Variants in YJU2 observed in about 807,000 individuals in gnomAD.
YJU2 encodes splicing factor YJU2.
In YJU2, 28 loss-of-function variants were observed where a neutral mutation model predicts 39.6. That is an observed-to-expected ratio of 0.71 (90% confidence interval 0.52 to 0.97). The LOEUF is 0.97. Among genes scored for constraint, YJU2 ranks in the 50% least tolerant of loss-of-function variants. The probability of loss-of-function intolerance (pLI) is 0.00; values close to 1 mark genes in which losing one functional copy is unlikely to be tolerated. For synonymous variants in YJU2, 184 were observed against 182.4 expected (o/e 1.01, Z -0.07); for missense variants, 328 against 430.4 (o/e 0.76, Z 2.11).
intron 1 of YJU2, among the ~76,000 whole-genome samples, chr19:4,247,633 GTGTGT>G (rs1970938282): frequency 4.7e-5 from 3 of 64,320 alleles, no homozygotes; most frequent in South Asian, 8.1e-4. Flanking sequence ...GTGTGTGTGT[GTGTGT>G]GTGTGTGTGT....
At position 4,247,837 on chromosome 19, in the gene YJU2, T is replaced by C. The variant is rs192647851; in HGVS notation, c.24+667T>C. Among the ~76,000 whole-genome samples, 302 of 151,944 alleles carry C rather than the reference T, an allele frequency of 2.0e-3. 1 individual carries two copies. Among genetic ancestry groups the C allele is most frequent in the African/African-American group, 7.1e-3 (296 of 41,446 alleles). ...CAGACTCCCAGAAGAAAAGCAGAGGTTCAGTATAAACTATACTGTTGGCAC... is the reference window on the plus strand; with the variant it reads ...CAGACTCCCAGAAGAAAAGCAGAGGCTCAGTATAAACTATACTGTTGGCAC... On this transcript the variant is annotated intron_variant, in intron 1 of 7. Coordinates refer to ENST00000262962, the MANE Select transcript of YJU2 (RefSeq NM_018074.6).
rs34728075 is a variant in YJU2 at position 4,259,071 on chromosome 19, C to CTTTTT, written c.587+673_587+677dup. Among the ~76,000 whole-genome samples, 344 of 90,306 alleles carry CTTTTT rather than the reference C, an allele frequency of 3.8e-3. 6 individuals carry two copies. Among genetic ancestry groups the CTTTTT allele is most frequent in the Middle Eastern group, 7.6e-3 (1 of 132 alleles). The allele number at this position is 90,306 out of a possible 152,430, so 59.2% of individuals were successfully genotyped here. A position where few individuals can be genotyped will look rare whatever the true frequency, so the allele number is the denominator to read the frequency against. ...TCAGGCCTCCTGGGTGAACACTTTT[C>CTTTTT]TTTTTTTTTTTTTTTTTTTTTTTTT... On this transcript the variant is annotated intron_variant, in intron 5 of 7. Coordinates refer to ENST00000262962, the MANE Select transcript of YJU2 (RefSeq NM_018074.6).
At chr19:4,247,582 CGTGTGT>C (rs1348900052) in intron 1 of YJU2, among the ~76,000 whole-genome samples, 1 of 27,334 alleles carries the variant, frequency 3.7e-5, no homozygotes, top group Admixed American at 3.9e-4. Flanking sequence ...TGGGGTGGCG[CGTGTGT>C]GTGTGTGTGT....
Position 4,254,504 on chromosome 19 carries a change from A to G in YJU2, c.405+15A>G, listed in dbSNP as rs372266480. On this transcript the variant is annotated intron_variant, in intron 4 of 7. Coordinates refer to ENST00000262962, the MANE Select transcript of YJU2 (RefSeq NM_018074.6). ...ACCCCATGAAGGTGAGTCGGGGGCC[A>G]TGTAGGTGTTCATGGGCGCTGTGTG... is the stretch of plus-strand genomic sequence containing the variant. 23 of 1,568,784 alleles carry G rather than the reference A, an allele frequency of 1.5e-5. No homozygotes were observed. Among genetic ancestry groups the G allele is most frequent in the Admixed American group, 7.7e-5 (4 of 51,962 alleles).
chr19:4,266,817 C>A (rs971345467), intron 6 of YJU2, among the ~76,000 whole-genome samples: 5 of 152,012 alleles, frequency 3.3e-5, no homozygotes, highest in African/African-American at 1.2e-4. Context: ...CCCGTCTCTA[C>A]AAAAATTAAA....
intron 5 of YJU2, among the ~76,000 whole-genome samples, chr19:4,261,743 C>T (rs572537674): frequency 1.1e-4 from 17 of 152,158 alleles, no homozygotes; most frequent in Middle Eastern, 3.4e-3. Context: ...TGGGGAGGAT[C>T]GCTTGAGCCC....
chr19:4,256,458 G>A (rs1234569648), intron 4 of YJU2, among the ~76,000 whole-genome samples: 4 of 152,036 alleles, frequency 2.6e-5, no homozygotes, highest in Admixed American at 6.6e-5. Flanking sequence ...GTGTGCCTGG[G>A]CCTGTCGCAC....
In YJU2 at chr19:4,247,627, GTGTGTGTGTGTGTGTGTGTGTGTGTGT is replaced by G. The variant is rs1970937834; in HGVS notation, c.24+458_24+484del. On this transcript the variant is annotated intron_variant, in intron 1 of 7. Transcript: ENST00000262962. The stretch of plus-strand genomic sequence containing the variant: ...TGTGTGTGTGTGTGTGTGTGTGTGT[GTGTGTGTGTGTGTGTGTGTGTGTGTGT>G]GTGTGTGTGTGTGTGTGTGTGTGTG... Among the ~76,000 whole-genome samples, 33 of 49,048 alleles carry G rather than the reference GTGTGTGTGTGTGTGTGTGTGTGTGTGT, an allele frequency of 6.7e-4. 3 individuals carry two copies. Among genetic ancestry groups the G allele is most frequent in the African/African-American group, 1.9e-3 (16 of 8,630 alleles). The allele number at this position is 49,048 out of a possible 152,430, so 32.2% of individuals were successfully genotyped here. A position where few individuals can be genotyped will look rare whatever the true frequency, so the allele number is the denominator to read the frequency against.
chr19:4,247,122 C>A lies in YJU2; in HGVS notation c.-25C>A. 1 of 1,612,334 alleles carries A rather than the reference C, an allele frequency of 6.2e-7. No homozygotes were observed. Among genetic ancestry groups the A allele is most frequent in the Non-Finnish European group, 8.5e-7 (1 of 1,178,336 alleles). Reference sequence around the variant, plus strand: ...ACCCAGCCTAACCATTTCTCAGGTGCTTGCGAGGTGATCAGAAGGCAAAGA... The same window carrying A: ...ACCCAGCCTAACCATTTCTCAGGTGATTGCGAGGTGATCAGAAGGCAAAGA... On this transcript the variant is annotated 5_prime_UTR_variant, in exon 1 of 8. Transcript: ENST00000262962.
At chr19:4,247,592 T>G (rs1568359518) in intron 1 of YJU2, among the ~76,000 whole-genome samples, 1 of 5,536 alleles carries the variant, frequency 1.8e-4, no homozygotes, top group Non-Finnish European at 3.4e-4. Context: ...CGTGTGTGTG[T>G]GTGTGTGTGT....
intron 1 of YJU2, among the ~76,000 whole-genome samples, chr19:4,248,967 G>C (rs1386653138): frequency 1.3e-5 from 2 of 152,096 alleles, no homozygotes; most frequent in Non-Finnish European, 2.9e-5. Context: ...TTCCCGTGTA[G>C]ACAGCATTTC....
intron 5 of YJU2, among the ~76,000 whole-genome samples, chr19:4,259,071 CTTTTTT>C (rs34728075): frequency 1.1e-5 from 1 of 90,262 alleles, no homozygotes; most frequent in Non-Finnish European, 2.1e-5. Context: ...GAACACTTTT[CTTTTTT>C]TTTTTTTTTT....
In YJU2 at chr19:4,249,940, C is replaced by T. The variant is rs370859458; in HGVS notation, c.125+612C>T. On this transcript the variant is annotated intron_variant, in intron 2 of 7. Coordinates refer to ENST00000262962, the MANE Select transcript of YJU2 (RefSeq NM_018074.6). ...CAAGCTGGTCTCGAACTCCTGACCT[C>T]AGGTGATCTGCCCTCCTTGGCCTCC... Among the ~76,000 whole-genome samples, 221 of 152,204 alleles carry T rather than the reference C, an allele frequency of 1.5e-3. 9 individuals carry two copies. In the South Asian group the frequency reaches 0.044, roughly 30 times the overall value.
intron 2 of YJU2, 53 bp downstream of exon 2, chr19:4,249,381 G>A: frequency 8.3e-7 from 1 of 1,210,902 alleles, no homozygotes; most frequent in Non-Finnish European, 1.2e-6. Context: ...AGGACGCAGT[G>A]CCTGGCATCC....
chr19:4,249,561 G>A (rs1012984956), intron 2 of YJU2, among the ~76,000 whole-genome samples: 4 of 151,996 alleles, frequency 2.6e-5, no homozygotes, highest in Non-Finnish European at 5.9e-5. Context: ...GTTAGTAAAC[G>A]TGTGTGCAGA....
intron 6 of YJU2, among the ~76,000 whole-genome samples, chr19:4,263,210 C>G (rs1000901441): frequency 3.3e-5 from 5 of 152,188 alleles, no homozygotes; most frequent in Non-Finnish European, 5.9e-5. Flanking sequence ...TCAGTCATAA[C>G]AGCCCTGGGC....
intron 4 of YJU2, among the ~76,000 whole-genome samples, chr19:4,257,325 G>T (rs1417380344): frequency 6.6e-6 from 1 of 151,980 alleles, no homozygotes; most frequent in Non-Finnish European, 1.5e-5. Context: ...ATAGAGTCTC[G>T]CTCTGTCACC....
rs766485973 is a variant in YJU2 at position 4,268,575 on chromosome 19, T to C, written c.860-9T>C. On this transcript the variant is annotated splice_polypyrimidine_tract_variant and intron_variant, in intron 7 of 7. Transcript: ENST00000262962. ...AGCTGAGATGAGCTAACTCTCGCTCTCCCACCAGGAGCCCCGCAGAACAGG... is the reference window on the plus strand; with the variant it reads ...AGCTGAGATGAGCTAACTCTCGCTCCCCCACCAGGAGCCCCGCAGAACAGG... 1.4e-5 allele frequency: 23 copies of C among 1,600,768 alleles called. No individual in the cohort carries two copies. Among genetic ancestry groups the C allele is most frequent in the Non-Finnish European group, 1.7e-5 (20 of 1,170,822 alleles).
chr19:4,268,761 C>T lies in YJU2; in HGVS notation c.*65C>T. The T allele has an allele frequency of 8.3e-7, 1 of 1,203,602 alleles. No individual in the cohort carries two copies. The highest frequency in any genetic ancestry group is 2.5e-5 in the East Asian group (1 of 40,032). The allele number at this position is 1,203,602 out of a possible 1,614,324, so 74.6% of individuals were successfully genotyped here. On this transcript the variant is annotated 3_prime_UTR_variant, in exon 8 of 8. Transcript: ENST00000262962. ...CCAGCTTCAGCCACATTGAGGCCAG[C>T]ATTGCTGGTGGTCAGGGCAGGAGGC... is the stretch of plus-strand genomic sequence containing the variant.
Sources: gnomAD v4.1 joint callset for allele counts (sites outside exome capture counted in the v4.1 genomes callset) on GRCh38, gnomAD v4.1.1 for gene constraint, MANE v1.5 for transcripts, NCBI Gene and HGNC (gene_info 2026-07-23, HGNC 2026-07-21) for gene names.